The following CFAP54 variants were observed in gnomAD, a reference collection of about 807,000 sequenced individuals.
CFAP54 encodes the protein cilia and flagella associated protein 54.
A neutral mutation model predicts 370.4 loss-of-function variants in CFAP54; 290 were observed. That is an observed-to-expected ratio of 0.78 (90% CI 0.71 to 0.86). The LOEUF (loss-of-function observed/expected upper bound fraction) is 0.86. CFAP54 is among the 40% of genes least tolerant of loss of function. The pLI, the probability that CFAP54 is intolerant of heterozygous loss-of-function variation, is 0.00. For missense variants in CFAP54, 3,399 were observed against 3,528.7 expected (o/e 0.96, Z 0.93); for synonymous variants, 1,206 against 1,236.5 (o/e 0.98, Z 0.52).
At chr12:96,631,723 T>C (rs1956610531) in intron 32 of CFAP54, among the ~76,000 whole-genome samples, 1 of 149,068 alleles carries the variant, frequency 6.7e-6, no homozygotes, top group Non-Finnish European at 1.5e-5. Flanking sequence ...ATATATCATA[T>C]AATATATATT....
chr12:96,784,819 A>T lies in CFAP54; in HGVS notation c.8384A>T (p.Asp2795Val), dbSNP rs1480643502. ...DGRKKTQTKV[D>V]ITWILLLRYY... is the part of the protein sequence containing the mutation. ...AGAAAAAAGACTCAGACCAAAGTGG[A>T]TATTACATGGATCCTTCTACTGCGC... Residue 2795 changes from aspartate (D) to valine (V), a missense_variant, in exon 61 of 68, where the codon GAT (aspartate) becomes GTT (valine). Asp to Val is a radical substitution (Grantham distance 152). Around this residue, in one of 3 missense-constraint regions of CFAP54, gnomAD observed 2,796 missense variants for 2,869.7 expected, o/e 0.97. Transcript: ENST00000524981. 2 of 1,534,496 alleles carry T rather than the reference A, an allele frequency of 1.3e-6. No homozygotes were observed. Among genetic ancestry groups the T allele is most frequent in the East Asian group, 4.9e-5 (2 of 40,798 alleles).
At chr12:96,745,985 A>C (rs1479957431) in intron 55 of CFAP54, among the ~76,000 whole-genome samples, 1 of 152,030 alleles carries the variant, frequency 6.6e-6, no homozygotes. Flanking sequence ...TATCAGCCTA[A>C]CTCTGCTTTG....
chr12:96,757,455 G>A (rs1958274021), intron 57 of CFAP54, 40 bp from the exon 58 acceptor site: 2 of 1,162,180 alleles, frequency 1.7e-6, no homozygotes, highest in East Asian at 2.4e-5. Context: ...GATTATGCAT[G>A]GTGAAGCTAT....
At chr12:96,800,908 A>G (rs1958812863) in intron 63 of CFAP54, among the ~76,000 whole-genome samples, 1 of 152,210 alleles carries the variant, frequency 6.6e-6, no homozygotes, top group Non-Finnish European at 1.5e-5. Context: ...ATCTGACTCC[A>G]GAGTCTGCAC....
chr12:96,636,402 A>G (rs530071346), intron 32 of CFAP54, among the ~76,000 whole-genome samples: 3 of 152,258 alleles, frequency 2.0e-5, no homozygotes, highest in Non-Finnish European at 4.4e-5. Context: ...CTAAGTTTTC[A>G]TATTTATTCA....
intron 56 of CFAP54, among the ~76,000 whole-genome samples, chr12:96,755,666 C>CTTTTTTTTTTTTTT (rs71758359): frequency 1.1e-5 from 1 of 88,042 alleles, no homozygotes; most frequent in East Asian, 4.1e-4. Flanking sequence ...TTCTTTTTTC[C>CTTTTTTTTTTTTTT]TTTTTTTTTT....
At chr12:96,682,077 C>A (rs1277261639) in intron 40 of CFAP54, 1 of 795,376 alleles carries the variant, frequency 1.3e-6, no homozygotes, top group Non-Finnish European at 1.5e-6. Context: ...CTCTACCTTC[C>A]CTCCCAACTT....
chr12:96,613,956 C>A (rs1290605232), intron 26 of CFAP54, among the ~76,000 whole-genome samples: 1 of 152,124 alleles, frequency 6.6e-6, no homozygotes, highest in Non-Finnish European at 1.5e-5. Context: ...GGGTACCATT[C>A]CTTCTGAAAC....
chr12:96,638,206 T>TATGC (rs869108031), intron 32 of CFAP54, among the ~76,000 whole-genome samples: 17 of 38,006 alleles, frequency 4.5e-4, no homozygotes, highest in East Asian at 1.1e-3. Context: ...TATATATGCA[T>TATGC]GTGTGTGTGT....
At chr12:96,497,166 A>G (rs1954963628) in intron 1 of CFAP54, among the ~76,000 whole-genome samples, 1 of 152,210 alleles carries the variant, frequency 6.6e-6, no homozygotes, top group Non-Finnish European at 1.5e-5. Flanking sequence ...TTTACTTTCC[A>G]GAGGACTGGC....
At chr12:96,742,699 TCTG>T (rs1335735820) in intron 52 of CFAP54, 113 bp downstream of exon 52, 3 of 1,056,576 alleles carry the variant, frequency 2.8e-6, no homozygotes, top group African/African-American at 3.3e-5. Context: ...TCTAGCTTGA[TCTG>T]CTTATAGAAT....
chr12:96,662,630 C>T (rs1049378201), intron 38 of CFAP54, among the ~76,000 whole-genome samples: 1 of 152,198 alleles, frequency 6.6e-6, no homozygotes, highest in Non-Finnish European at 1.5e-5. Context: ...ACATCTTTAT[C>T]ATGACCTTAA....
At chr12:96,719,414 T>C (rs1285285846) in intron 49 of CFAP54, among the ~76,000 whole-genome samples, 1 of 152,236 alleles carries the variant, frequency 6.6e-6, no homozygotes, top group Non-Finnish European at 1.5e-5. Flanking sequence ...CTTGAAAGAT[T>C]GGTTGGTCCC....
intron 67 of CFAP54, among the ~76,000 whole-genome samples, chr12:96,861,978 A>G (rs139791564): frequency 2.6e-4 from 40 of 152,324 alleles, no homozygotes; most frequent in African/African-American, 8.4e-4. Context: ...GGTTTAATGT[A>G]TCATCCTCTA....
chr12:96,729,634 G>A (rs11108657), intron 50 of CFAP54, among the ~76,000 whole-genome samples: 14,286 of 152,174 alleles, frequency 0.094, 1,194 homozygotes, highest in East Asian at 0.44. Flanking sequence ...GACCCCTTGC[G>A]CTTCCCGAGT....
chr12:96,828,391 G>A (rs999900684), intron 65 of CFAP54, among the ~76,000 whole-genome samples: 2 of 151,950 alleles, frequency 1.3e-5, no homozygotes, highest in Non-Finnish European at 2.9e-5. Context: ...GTTCTCACTC[G>A]TCTCTATCTT....
chr12:96,591,816 G>A (rs1427893031), intron 23 of CFAP54, among the ~76,000 whole-genome samples: 2 of 151,446 alleles, frequency 1.3e-5, no homozygotes, highest in Admixed American at 6.6e-5. Flanking sequence ...GCGTGAACCC[G>A]GGAGGCGGAG....
chr12:96,544,176 TTA>T (rs71944546), intron 14 of CFAP54, among the ~76,000 whole-genome samples: 23,925 of 151,296 alleles, frequency 0.16, 2,984 homozygotes, highest in East Asian at 0.51. Context: ...TTTGTATGTT[TTA>T]TATATATATA....
chr12:96,779,435 G>T (rs892794232), intron 60 of CFAP54, among the ~76,000 whole-genome samples: 1 of 151,942 alleles, frequency 6.6e-6, no homozygotes, highest in South Asian at 2.1e-4. Context: ...AACATTTGGG[G>T]TTATGAATAA....
Sources: allele counts gnomAD v4.1 joint callset (sites outside exome capture counted in the v4.1 genomes callset), GRCh38; gene constraint gnomAD v4.1.1; regional missense constraint gnomAD v4.1.1; transcripts MANE v1.5; gene names NCBI Gene and HGNC (gene_info 2026-07-23, HGNC 2026-07-21).